GLG1: variants seen among roughly 807,000 people sequenced by gnomAD.
GLG1 encodes the protein Golgi apparatus protein 1.
In GLG1, 38 loss-of-function variants were observed where a neutral mutation model predicts 160.5. The ratio of observed to expected loss-of-function variants is 0.24; its 90% CI spans 0.18 to 0.31. The LOEUF (loss-of-function observed/expected upper bound fraction) is 0.31. GLG1 is among the 10% of genes least tolerant of loss of function. The pLI is 1.00. For missense variants in GLG1, 1,373 were observed against 1,505.2 expected (o/e 0.91, Z 1.45); for synonymous variants, 644 against 543.4 (o/e 1.19, Z -2.57).
chr16:74,589,898 A>G (rs1399293534), intron 1 of GLG1, among the ~76,000 whole-genome samples: 4 of 152,048 alleles, frequency 2.6e-5, no homozygotes, highest in East Asian at 3.9e-4. Flanking sequence ...AATCCAGCCA[A>G]TGCACTCCAG....
At chr16:74,562,711 G>C (rs1597349896) in intron 1 of GLG1, among the ~76,000 whole-genome samples, 1 of 152,222 alleles carries the variant, frequency 6.6e-6, no homozygotes, top group Non-Finnish European at 1.5e-5. Flanking sequence ...CTGACCTCCA[G>C]TGATTCGCCC....
At chr16:74,497,717 G>A (rs896490040) in intron 4 of GLG1, among the ~76,000 whole-genome samples, 6 of 152,138 alleles carry the variant, frequency 3.9e-5, no homozygotes, top group Admixed American at 2.0e-4. Flanking sequence ...GATTACTGGC[G>A]TGAGCCACTG....
At chr16:74,474,372 C>T in intron 13 of GLG1, 174 bp downstream of exon 13, 1 of 587,572 alleles carries the variant, frequency 1.7e-6, no homozygotes, top group Non-Finnish European at 3.0e-6. Flanking sequence ...GGAAGGAGCT[C>T]ACAAAGCAAC....
Position 74,498,448 on chromosome 16 carries a change from G to GTGTA in GLG1, c.775-1805_775-1804insTACA, listed in dbSNP as rs1491436581. Among the ~76,000 whole-genome samples, 13 of 24,038 alleles carry GTGTA rather than the reference G, an allele frequency of 5.4e-4. 1 individual carries two copies. Among genetic ancestry groups the GTGTA allele is most frequent in the Non-Finnish European group, 8.5e-4 (11 of 12,960 alleles). 15.8% of individuals were successfully genotyped at this position (24,038 alleles called of 152,430 possible). ...GGCTCTGTCTCAAAAAAAAAAAAAA[G>GTGTA]TATATATATATATATATATTATATT... On this transcript the variant is annotated intron_variant, in intron 4 of 25. Transcript: ENST00000422840.
In GLG1 at chr16:74,452,857, G is replaced by A; in HGVS notation, c.*310C>T. 1 of 1,083,212 alleles carries A rather than the reference G, an allele frequency of 9.2e-7. No individual in the cohort carries two copies. The highest frequency in any genetic ancestry group is 1.1e-6 in the Non-Finnish European group (1 of 893,982). The allele number at this position is 1,083,212 out of a possible 1,614,324, so 67.1% of individuals were successfully genotyped here. A position where few individuals can be genotyped will look rare whatever the true frequency, so the allele number is the denominator to read the frequency against. On this transcript the variant is annotated 3_prime_UTR_variant, in exon 26 of 26. Coordinates refer to ENST00000422840, the MANE Select transcript of GLG1 (RefSeq NM_001145667.2). ...AAAAAGCCTTTGAGTTGCAGGTCAG[G>A]TGAGTTGGTTCTGGAAGTACCGGAA...
chr16:74,503,269 C>A (rs1277042527), intron 4 of GLG1, among the ~76,000 whole-genome samples: 2 of 152,220 alleles, frequency 1.3e-5, no homozygotes, highest in East Asian at 1.9e-4. Flanking sequence ...AGGTAACCAG[C>A]AGCTGGTCTA....
chr16:74,490,142 A>G (rs990400909), intron 8 of GLG1, among the ~76,000 whole-genome samples: 7 of 152,204 alleles, frequency 4.6e-5, no homozygotes, highest in African/African-American at 1.4e-4. Context: ...TGCACATGGT[A>G]CGTTAAGTTG....
At chr16:74,472,553 T>A in intron 13 of GLG1, 142 bp from the exon 14 acceptor site, 1 of 1,473,756 alleles carries the variant, frequency 6.8e-7, no homozygotes, top group Non-Finnish European at 9.1e-7. Context: ...GTATTTGAAG[T>A]AGATAGCCCC....
intron 13 of GLG1, among the ~76,000 whole-genome samples, chr16:74,473,869 G>C (rs1170857014): frequency 6.6e-6 from 1 of 152,122 alleles, no homozygotes; most frequent in South Asian, 2.1e-4. Context: ...ATTACCAAAT[G>C]ACCTAACTAA....
intron 10 of GLG1, among the ~76,000 whole-genome samples, chr16:74,481,696 A>C (rs954402960): frequency 6.6e-6 from 1 of 152,218 alleles, no homozygotes; most frequent in African/African-American, 2.4e-5. Flanking sequence ...ACACATGCAC[A>C]CACACACGTC....
At chr16:74,545,419 G>A (rs567361642) in intron 1 of GLG1, among the ~76,000 whole-genome samples, 5 of 152,010 alleles carry the variant, frequency 3.3e-5, no homozygotes, top group Non-Finnish European at 5.9e-5. Flanking sequence ...AGGCTCAAGG[G>A]ATCCACACAC....
chr16:74,580,155 G>A (rs1957906226), intron 1 of GLG1, among the ~76,000 whole-genome samples: 1 of 151,910 alleles, frequency 6.6e-6, no homozygotes. Context: ...AAATCCTAAA[G>A]GCTATTTATC....
intron 1 of GLG1, among the ~76,000 whole-genome samples, chr16:74,601,583 C>T (rs1958441025): frequency 6.6e-6 from 1 of 152,130 alleles, no homozygotes; most frequent in Admixed American, 6.6e-5. Context: ...CAAGGAAATA[C>T]AACTAAATGC....
At chr16:74,512,218 G>C (rs1246827140) in intron 2 of GLG1, among the ~76,000 whole-genome samples, 3 of 143,662 alleles carry the variant, frequency 2.1e-5, no homozygotes, top group Non-Finnish European at 4.5e-5. Flanking sequence ...AAGTGCAGTG[G>C]CGCGATCTCG....
chr16:74,558,955 A>G (rs897033752), intron 1 of GLG1, among the ~76,000 whole-genome samples: 14 of 152,202 alleles, frequency 9.2e-5, no homozygotes, highest in Non-Finnish European at 1.2e-4. Flanking sequence ...TCACACAGAC[A>G]TAGCTTACTG....
Position 74,462,262 on chromosome 16 carries a change from A to G in GLG1, c.2935-67T>C, listed in dbSNP as rs546494411. ...CGAAGCTTTTCTACAAAAGCAGGACATGAAAAAAAAAACAAACAACAACAA... is the reference window on the plus strand; with the variant it reads ...CGAAGCTTTTCTACAAAAGCAGGACGTGAAAAAAAAAACAAACAACAACAA... On this transcript the variant is annotated intron_variant, in intron 21 of 25. Coordinates refer to ENST00000422840, the MANE Select transcript of GLG1 (RefSeq NM_001145667.2). 1.5e-5 allele frequency: 13 copies of G among 870,696 alleles called. No homozygotes were observed. The South Asian group carries it at 1.8e-4, about 12-fold the overall frequency. The allele number at this position is 870,696 out of a possible 1,614,324, so 53.9% of individuals were successfully genotyped here.
At chr16:74,565,250 A>C (rs1408416405) in intron 1 of GLG1, among the ~76,000 whole-genome samples, 1 of 152,066 alleles carries the variant, frequency 6.6e-6, no homozygotes, top group Non-Finnish European at 1.5e-5. Flanking sequence ...AATCACTTGA[A>C]CCCAGGGGGC....
chr16:74,552,976 T>C (rs533686685), intron 1 of GLG1, among the ~76,000 whole-genome samples: 1 of 152,216 alleles, frequency 6.6e-6, no homozygotes, highest in South Asian at 2.1e-4. Flanking sequence ...CCCTGCACTT[T>C]GGGAGGCAGA....
At chr16:74,482,298 T>C (rs1272618808) in intron 10 of GLG1, among the ~76,000 whole-genome samples, 1 of 152,088 alleles carries the variant, frequency 6.6e-6, no homozygotes, top group Non-Finnish European at 1.5e-5. Context: ...GGCCAAAATA[T>C]ATATTAATCA....
Sources: gnomAD v4.1 joint callset for allele counts (sites outside exome capture counted in the v4.1 genomes callset) on GRCh38, gnomAD v4.1.1 for gene constraint, MANE v1.5 for transcripts, NCBI Gene and HGNC (gene_info 2026-07-23, HGNC 2026-07-21) for gene names.